The following RASSF9 variants were observed in gnomAD, a reference collection of about 807,000 sequenced individuals.
The protein encoded by RASSF9 is ras association domain-containing protein 9.
RASSF9 carries 18 observed loss-of-function variants against 21.4 expected under a neutral mutation model. That is an observed-to-expected ratio of 0.84 (90% CI 0.58 to 1.25). The LOEUF is 1.25. Ranked by LOEUF, RASSF9 falls within the 50% of genes most tolerant of loss-of-function variation. RASSF9 has a pLI of 0.00. For synonymous variants in RASSF9, 183 were observed against 179.1 expected (o/e 1.02, Z -0.18); for missense variants, 480 against 503.2 (o/e 0.95, Z 0.44).
rs561418906 is a variant in RASSF9 at position 85,803,758 on chromosome 12, G to A, written c.*944C>T. 1 of 152,284 alleles carries A rather than the reference G, an allele frequency of 6.6e-6. No individual in the cohort carries two copies. The highest frequency in any genetic ancestry group is 1.9e-4 in the East Asian group (1 of 5,174). 9.4% of individuals were successfully genotyped at this position (152,284 alleles called of 1,614,324 possible). A position where few individuals can be genotyped will look rare whatever the true frequency, so the allele number is the denominator to read the frequency against. ...TAGATGAAGAAATAAGACAATCTGA[G>A]TTATAGCATAGCAGAATAAGTCTTT... is the stretch of plus-strand genomic sequence containing the variant. On this transcript the variant is annotated 3_prime_UTR_variant, in exon 2 of 2. Coordinates refer to ENST00000361228, the MANE Select transcript of RASSF9 (RefSeq NM_005447.4).
chr12:85,826,598 C>A (rs536018362), intron 1 of RASSF9, among the ~76,000 whole-genome samples: 2 of 152,090 alleles, frequency 1.3e-5, no homozygotes, highest in Non-Finnish European at 2.9e-5. Flanking sequence ...CAGGCACCTG[C>A]CACCGTGCCT....
In RASSF9 at chr12:85,836,050, A is replaced by G. The variant is rs1880554841; in HGVS notation, c.47+105T>C. On this transcript the variant is annotated intron_variant, in intron 1 of 1. Transcript: ENST00000361228. ...ACGAAGCCTTTTTTTATCAGAATCT[A>G]ACAACCACAAAACACATACTTTCAC... The G allele has an allele frequency of 2.0e-6, 3 of 1,533,946 alleles. No individual in the cohort carries two copies. The East Asian group carries it at 7.4e-5, about 38-fold the overall frequency.
chr12:85,811,549 G>A (rs1879953720), intron 1 of RASSF9, among the ~76,000 whole-genome samples: 1 of 151,864 alleles, frequency 6.6e-6, no homozygotes, highest in Non-Finnish European at 1.5e-5. Flanking sequence ...ACATTTAACA[G>A]AATAAAGTAA....
Position 85,805,268 on chromosome 12 carries a change from C to T in RASSF9, c.742G>A (p.Asp248Asn). The T allele has an allele frequency of 1.2e-6, 2 of 1,613,590 alleles. No homozygotes were observed. Among genetic ancestry groups the T allele is most frequent in the Non-Finnish European group, 1.7e-6 (2 of 1,179,880 alleles). Residue 248 changes from aspartate to asparagine, a missense_variant, in exon 2 of 2, where the codon GAC (aspartate) becomes AAC (asparagine). By Grantham distance (23) the Asp-to-Asn change is conservative. Coordinates refer to ENST00000361228, the MANE Select transcript of RASSF9 (RefSeq NM_005447.4). ...PSFSEVEQNL[D>N]LQYEENQTLE... ...GTCTGGTTTTCCTCATACTGCAAGTCTAGATTTTGCTCAACTTCACTGAAA... is the reference window on the plus strand; with the variant it reads ...GTCTGGTTTTCCTCATACTGCAAGTTTAGATTTTGCTCAACTTCACTGAAA...
chr12:85,805,360 T>C lies in RASSF9; in HGVS notation c.650A>G (p.Lys217Arg). 2.5e-6 allele frequency: 4 copies of C among 1,613,392 alleles called. No homozygotes were observed. The highest frequency in any genetic ancestry group is 3.4e-6 in the Non-Finnish European group (4 of 1,179,696). ...ATTTTCTACTCGATCAAGATGGAAC[T>C]TAGCTTCACACTTTTCAATTTCCAG... ...LDLEIEKCEAKFHLDRVENDG... is the reference protein window; with the variant it reads ...LDLEIEKCEARFHLDRVENDG... The change falls in exon 2 of 2, where the codon AAG (lysine) becomes AGG (arginine). Residue 217 changes from lysine to arginine, a missense_variant. Physicochemically the swap from Lys to Arg is conservative, Grantham distance 26. Coordinates refer to ENST00000361228, the MANE Select transcript of RASSF9 (RefSeq NM_005447.4).
intron 1 of RASSF9, among the ~76,000 whole-genome samples, chr12:85,835,179 A>T (rs145811999): frequency 4.8e-4 from 73 of 152,240 alleles, no homozygotes; most frequent in African/African-American, 1.7e-3. Context: ...ATTTCCTACC[A>T]TGTAATTGTA....
At chr12:85,816,542 A>G (rs532651959) in intron 1 of RASSF9, among the ~76,000 whole-genome samples, 1 of 152,290 alleles carries the variant, frequency 6.6e-6, no homozygotes, top group African/African-American at 2.4e-5. Context: ...TTATAATAAT[A>G]TAATCCTCAG....
At chr12:85,835,394 G>C (rs967522426) in intron 1 of RASSF9, among the ~76,000 whole-genome samples, 1 of 152,074 alleles carries the variant, frequency 6.6e-6, no homozygotes, top group African/African-American at 2.4e-5. Context: ...CAGACATACT[G>C]TCCCTAGAAA....
rs748977216 is a variant in RASSF9, at chr12:85,804,935, G to A, written c.1075C>T (p.Leu359Phe). Reference protein sequence around the residue: ...LLQMKAKEYELLAKEFNSLHI... With the variant: ...LLQMKAKEYEFLAKEFNSLHI... ...AGTGAATTGAATTCCTTGGCCAGGA[G>A]TTCATATTCTTTTGCTTTCATCTGA... The change falls in exon 2 of 2, where the codon CTC becomes TTC. Residue 359 changes from leucine to phenylalanine, a missense_variant. Leu to Phe is a conservative substitution (Grantham distance 22). Transcript: ENST00000361228. The A allele has an allele frequency of 6.2e-7, 1 of 1,613,802 alleles. No individual in the cohort carries two copies. The highest frequency in any genetic ancestry group is 8.5e-7 in the Non-Finnish European group (1 of 1,179,710).
At chr12:85,806,046 A>G (rs548878398) in intron 1 of RASSF9, 84 bp from the exon 2 acceptor site, 2 of 1,419,976 alleles carry the variant, frequency 1.4e-6, no homozygotes, top group East Asian at 2.3e-5. Flanking sequence ...TATGCTTTCT[A>G]GATTTTTACC....
rs1879722467 is a variant in RASSF9 at position 85,802,350 on chromosome 12, A to G, written c.*2352T>C. ...TTAATATATTAACATGTAACTGTAA[A>G]TTAAGAGGTTCACCATGGTAGCTGA... On this transcript the variant is annotated 3_prime_UTR_variant, in exon 2 of 2. Coordinates refer to ENST00000361228, the MANE Select transcript of RASSF9 (RefSeq NM_005447.4). 1 of 152,184 alleles carries G rather than the reference A, an allele frequency of 6.6e-6. No individual in the cohort carries two copies. Among genetic ancestry groups the G allele is most frequent in the South Asian group, 2.1e-4 (1 of 4,824 alleles). The allele number at this position is 152,184 out of a possible 1,614,324, so 9.4% of individuals were successfully genotyped here.
intron 1 of RASSF9, among the ~76,000 whole-genome samples, chr12:85,817,033 A>T (rs903742334): frequency 1.3e-5 from 2 of 152,162 alleles, no homozygotes; most frequent in Admixed American, 6.5e-5. Context: ...ATTATATTTC[A>T]GTATATTTAT....
chr12:85,816,495 T>C (rs1247968040), intron 1 of RASSF9, among the ~76,000 whole-genome samples: 10 of 152,116 alleles, frequency 6.6e-5, no homozygotes, highest in Admixed American at 6.6e-4. Context: ...ATAATACACG[T>C]AATTCCCTTC....
At chr12:85,818,403 C>T (rs1046638614) in intron 1 of RASSF9, among the ~76,000 whole-genome samples, 1 of 152,246 alleles carries the variant, frequency 6.6e-6, no homozygotes, top group African/African-American at 2.4e-5. Context: ...CTGATGAACT[C>T]TCTAGTAAAT....
chr12:85,821,400 C>G (rs938915458), intron 1 of RASSF9, among the ~76,000 whole-genome samples: 1 of 152,122 alleles, frequency 6.6e-6, no homozygotes, highest in Non-Finnish European at 1.5e-5. Context: ...ACACAGAACT[C>G]ATAAATAATA....
At chr12:85,824,573 TTAAAC>T (rs1880288935) in intron 1 of RASSF9, among the ~76,000 whole-genome samples, 1 of 152,214 alleles carries the variant, frequency 6.6e-6, no homozygotes, top group Non-Finnish European at 1.5e-5. Context: ...ATTGAAATCT[TTAAAC>T]TATTTCTAAG....
At chr12:85,826,051 G>A (rs1199022783) in intron 1 of RASSF9, among the ~76,000 whole-genome samples, 2 of 152,194 alleles carry the variant, frequency 1.3e-5, no homozygotes, top group Non-Finnish European at 2.9e-5. Context: ...CAGGAGGGAT[G>A]AGAGTGGGTT....
chr12:85,836,329 T>C lies in RASSF9; in HGVS notation c.-128A>G. The C allele has an allele frequency of 6.6e-7, 1 of 1,513,426 alleles. No individual in the cohort carries two copies. The allele number at this position is 1,513,426 out of a possible 1,614,324, so 93.7% of individuals were successfully genotyped here. On this transcript the variant is annotated 5_prime_UTR_variant, in exon 1 of 2. Coordinates refer to ENST00000361228, the MANE Select transcript of RASSF9 (RefSeq NM_005447.4). The stretch of plus-strand genomic sequence containing the variant: ...TCTCTTCTCCTCGGATGTTCCTGGC[T>C]TTCAGCTCATTAGTAGCCGGCTGAG...
At chr12:85,825,150 G>T (rs528903269) in intron 1 of RASSF9, among the ~76,000 whole-genome samples, 1 of 152,070 alleles carries the variant, frequency 6.6e-6, no homozygotes, top group South Asian at 2.1e-4. Flanking sequence ...TTACAGGTGC[G>T]TGCCACTATG....
Sources: allele counts gnomAD v4.1 joint callset (sites outside exome capture counted in the v4.1 genomes callset), GRCh38; gene constraint gnomAD v4.1.1; transcripts MANE v1.5; gene names NCBI Gene and HGNC (gene_info 2026-07-23, HGNC 2026-07-21).